The following PHF21A variants were observed in gnomAD, a reference collection of about 807,000 sequenced individuals.
PHF21A encodes the protein PHD finger protein 21A, also known as BHC80a.
In PHF21A, 11 loss-of-function variants were observed where a neutral mutation model predicts 82.5. That is an observed-to-expected ratio of 0.13 (90% CI 0.08 to 0.22). The LOEUF is 0.22. PHF21A is among the 10% of genes least tolerant of loss of function. The pLI, the probability that PHF21A is intolerant of heterozygous loss-of-function variation, is 1.00. For missense variants in PHF21A, 579 were observed against 837.8 expected, an observed-to-expected ratio of 0.69 and a Z score of 3.81; for synonymous variants, 297 against 302.8, an observed-to-expected ratio of 0.98 and a Z score of 0.20.
rs111324568 is a variant in PHF21A at position 45,952,949 on chromosome 11, T to C, written c.1095+578A>G. 9.9e-3 allele frequency among the ~76,000 whole-genome samples: 1,506 copies of C among 152,370 alleles called. 25 individuals are homozygous for C. The highest frequency in any genetic ancestry group is 0.035 in the African/African-American group (1,437 of 41,584). The stretch of plus-strand genomic sequence containing the variant: ...ATTCTACATTTTTATCAGGGTCTTC[T>C]TTGCTATTTATGTTTATAATTCTAT... On this transcript the variant is annotated intron_variant, in intron 11 of 18. Transcript: ENST00000676320.
rs764601160 is a variant in PHF21A at position 45,948,914 on chromosome 11, G to A, written c.1260C>T (p.Ser420=). Reference sequence around the variant, plus strand: ...TCTTCCGGGTCCCAGGGTGCATTGTGCTGTTTAGGTATGTCACTGCACTCT... The same window carrying A: ...TCTTCCGGGTCCCAGGGTGCATTGTACTGTTTAGGTATGTCACTGCACTCT... ...RKKSAVTYLN[S]TMHPGTRKRG... is the part of the protein sequence containing the mutation. The change falls in exon 14 of 19, where the codon AGC becomes AGT. Residue 420 remains serine, a synonymous_variant. Coordinates refer to ENST00000676320, the MANE Select transcript of PHF21A (RefSeq NM_001352027.3). 1.6e-5 allele frequency: 26 copies of A among 1,613,920 alleles called. No homozygotes were observed. Among genetic ancestry groups the A allele is most frequent in the African/African-American group, 2.7e-5 (2 of 74,942 alleles).
In PHF21A at chr11:45,933,281, TG is replaced by T. The variant is rs2087913301; in HGVS notation, c.*686del. ...GAGACTGGGCAGGCTTCAGGAGTGG[TG>T]GGGTTACCGCGCAGGGAGCAGAGTG... On this transcript the variant is annotated 3_prime_UTR_variant, in exon 19 of 19. Transcript: ENST00000676320. 1 of 152,484 alleles carries T rather than the reference TG, an allele frequency of 6.6e-6. No homozygotes were observed. 9.4% of individuals were successfully genotyped at this position (152,484 alleles called of 1,614,324 possible).
intron 10 of PHF21A, among the ~76,000 whole-genome samples, chr11:45,955,050 C>T (rs1443171176): frequency 6.6e-6 from 1 of 152,208 alleles, no homozygotes; most frequent in Non-Finnish European, 1.5e-5. Flanking sequence ...GCAACCAGTG[C>T]TCTGGGGCAC....
chr11:45,990,385 A>G (rs962247767), intron 6 of PHF21A, among the ~76,000 whole-genome samples: 2 of 150,830 alleles, frequency 1.3e-5, no homozygotes, highest in Non-Finnish European at 3.0e-5. Context: ...CAGCTCCCCA[A>G]GGAGCTGGGA....
chr11:46,024,083 AGCAAGGAAAG>A (rs1035651058), intron 6 of PHF21A, among the ~76,000 whole-genome samples: 2 of 152,246 alleles, frequency 1.3e-5, no homozygotes, highest in Non-Finnish European at 2.9e-5. Flanking sequence ...TGGTTATGAA[AGCAAGGAAAG>A]GGCAAGGTGG....
intron 11 of PHF21A, among the ~76,000 whole-genome samples, chr11:45,950,783 A>C (rs1225216381): frequency 6.6e-6 from 1 of 152,152 alleles, no homozygotes; most frequent in African/African-American, 2.4e-5. Flanking sequence ...CATACTCACA[A>C]AACATGCAGA....
intron 6 of PHF21A, among the ~76,000 whole-genome samples, chr11:46,049,869 G>C (rs1314813816): frequency 6.6e-6 from 1 of 152,100 alleles, no homozygotes; most frequent in Non-Finnish European, 1.5e-5. Context: ...AGACTATCCA[G>C]CAAACAGTAA....
rs567851115 is a variant in PHF21A, at chr11:45,944,877, C to T, written c.1452+963G>A. Among the ~76,000 whole-genome samples the T allele has an allele frequency of 9.6e-4, 146 of 152,352 alleles. 4 individuals are homozygous for T. The South Asian group carries it at 0.029, about 30-fold the overall frequency. On this transcript the variant is annotated intron_variant, in intron 15 of 18. Coordinates refer to ENST00000676320, the MANE Select transcript of PHF21A (RefSeq NM_001352027.3). ...CGCCTCCTGGGTTCCAGGGATTCTC[C>T]TGCCTCAGCCTCCAGAGTAACTGGG...
Position 45,949,216 on chromosome 11 carries a change from G to A in PHF21A, c.1227+186C>T, listed in dbSNP as rs376036340. ...TAGGCATGTATCTGCTGAAACTTAGGAAAAAAACCTAAGGGGTAAGCAGTG... is the reference window on the plus strand; with the variant it reads ...TAGGCATGTATCTGCTGAAACTTAGAAAAAAAACCTAAGGGGTAAGCAGTG... On this transcript the variant is annotated intron_variant, in intron 13 of 18. Coordinates refer to ENST00000676320, the MANE Select transcript of PHF21A (RefSeq NM_001352027.3). Among the ~76,000 whole-genome samples the A allele has an allele frequency of 9.9e-3, 1,509 of 152,076 alleles. 18 individuals carry two copies. Among genetic ancestry groups the A allele is most frequent in the Non-Finnish European group, 0.014 (919 of 67,956 alleles).
intron 10 of PHF21A, 35 bp from the exon 11 acceptor site, chr11:45,953,660 C>T (rs536807203): frequency 2.4e-5 from 34 of 1,409,986 alleles, no homozygotes; most frequent in Admixed American, 9.1e-5. Flanking sequence ...ATTCAGAATT[C>T]GTTTTTTATT....
chr11:45,938,135 C>G (rs1565152139), intron 16 of PHF21A, 22 bp downstream of exon 16: 1 of 1,557,726 alleles, frequency 6.4e-7, no homozygotes, highest in South Asian at 1.2e-5. Context: ...GGCCCCTCCC[C>G]TGTTGGACCC....
At chr11:45,958,941 C>A (rs1339513611) in intron 10 of PHF21A, among the ~76,000 whole-genome samples, 2 of 152,036 alleles carry the variant, frequency 1.3e-5, no homozygotes, top group Admixed American at 6.6e-5. Context: ...ACCAAAAGAA[C>A]AGAAAATTAC....
rs1853145144 is a variant in PHF21A at position 46,121,043 on chromosome 11, A to C, written c.-345T>G. The stretch of plus-strand genomic sequence containing the variant: ...AACTCTTCTTCATGGGGAGGGAGGG[A>C]AGAAGCTGGAGCTGCTGCTGCTGCT... On this transcript the variant is annotated 5_prime_UTR_variant, in exon 1 of 19. Coordinates refer to ENST00000676320, the MANE Select transcript of PHF21A (RefSeq NM_001352027.3). 6.4e-6 allele frequency: 1 copy of C among 155,072 alleles called. No individual in the cohort carries two copies. The highest frequency in any genetic ancestry group is 2.4e-5 in the African/African-American group (1 of 41,230). The allele number at this position is 155,072 out of a possible 1,614,324, so 9.6% of individuals were successfully genotyped here. A position where few individuals can be genotyped will look rare whatever the true frequency, so the allele number is the denominator to read the frequency against.
intron 6 of PHF21A, among the ~76,000 whole-genome samples, chr11:46,062,710 C>T (rs773105061): frequency 1.3e-5 from 2 of 152,108 alleles, no homozygotes; most frequent in Non-Finnish European, 2.9e-5. Context: ...AACTCTCATA[C>T]ACTACTGAAA....
intron 6 of PHF21A, among the ~76,000 whole-genome samples, chr11:46,045,164 A>G (rs2096237152): frequency 6.6e-6 from 1 of 152,290 alleles, no homozygotes; most frequent in East Asian, 1.9e-4. Flanking sequence ...TTTCTGGAGC[A>G]AAGTCCCAAT....
At chr11:46,051,936 C>T (rs2096373453) in intron 6 of PHF21A, among the ~76,000 whole-genome samples, 1 of 152,176 alleles carries the variant, frequency 6.6e-6, no homozygotes, top group South Asian at 2.1e-4. Flanking sequence ...TCTATCAAGC[C>T]TTCTTTCCCC....
intron 6 of PHF21A, among the ~76,000 whole-genome samples, chr11:46,010,042 G>A (rs2095380596): frequency 6.6e-6 from 1 of 152,122 alleles, no homozygotes; most frequent in Non-Finnish European, 1.5e-5. Flanking sequence ...GAAGTCTGAG[G>A]AACATTCATT....
rs949364156 is a variant in PHF21A, at chr11:46,066,099, T to A, written c.153+10655A>T. Among the ~76,000 whole-genome samples the A allele has an allele frequency of 2.0e-5, 3 of 152,232 alleles. No homozygotes were observed. In the South Asian group the frequency reaches 6.2e-4, roughly 31 times the overall value. On this transcript the variant is annotated intron_variant, in intron 6 of 18. Transcript: ENST00000676320. ...AAAGGGATATAGTCTCATAAACATG[T>A]TGAACAAAATAAGCCAGACAGAAAA... is the stretch of plus-strand genomic sequence containing the variant.
chr11:45,946,226 G>A (rs2091268857), intron 14 of PHF21A: 2 of 953,312 alleles, frequency 2.1e-6, no homozygotes, highest in South Asian at 1.4e-5. Flanking sequence ...GGGAGGATAA[G>A]AGAGCTCTGG....
Sources: gnomAD v4.1 joint callset for allele counts (sites outside exome capture counted in the v4.1 genomes callset) on GRCh38, gnomAD v4.1.1 for gene constraint, MANE v1.5 for transcripts, NCBI Gene and HGNC (gene_info 2026-07-23, HGNC 2026-07-21) for gene names.